Variants in DGKZ observed in about 807,000 individuals in gnomAD.
DGKZ encodes the protein DAG kinase zeta.
Under a neutral mutation model 142.5 loss-of-function variants are expected in DGKZ, and 45 were observed. The ratio of observed to expected loss-of-function variants is 0.32; its 90% CI spans 0.25 to 0.40. The LOEUF is 0.40. Ranked by LOEUF, DGKZ falls within the 10% of genes least tolerant of loss-of-function variation. DGKZ has a pLI of 1.00. For synonymous variants in DGKZ, 442 were observed against 527.0 expected (o/e 0.84, Z 2.21); for missense variants, 755 against 1,306.5 (o/e 0.58, Z 6.51).
intron 14 of DGKZ, 28 bp downstream of exon 14, chr11:46,373,129 A>G: frequency 2.0e-6 from 3 of 1,525,552 alleles, no homozygotes; most frequent in East Asian, 2.5e-5. Flanking sequence ...GGTGGGGGGC[A>G]GGGCAGGTGA....
At chr11:46,371,590 C>A (rs1943954604) in exon 8 of DGKZ, 1 of 1,610,274 alleles carries the variant, frequency 6.2e-7, no homozygotes. Context: ...ATCCTCCGCG[C>A]CCGGAGGCCC....
intron 1 of DGKZ, among the ~76,000 whole-genome samples, chr11:46,350,724 C>T (rs1037575816): frequency 2.0e-5 from 3 of 152,154 alleles, no homozygotes; most frequent in African/African-American, 4.8e-5. Flanking sequence ...CCATCCTGGC[C>T]CCTCTGGGTA....
In DGKZ at chr11:46,347,497, CG is replaced by C. The variant is rs1590394873; in HGVS notation, c.-160del. The C allele has an allele frequency of 1.0e-5, 10 of 982,152 alleles. No individual in the cohort carries two copies. Among genetic ancestry groups the C allele is most frequent in the Non-Finnish European group, 1.2e-5 (10 of 828,944 alleles). The allele number at this position is 982,152 out of a possible 1,614,324, so 60.8% of individuals were successfully genotyped here. ...TGGAGCGGCGGCGGCAGCGGCTTCC[CG>C]GGCACCTGGGCGTGGGGAGCGGGGG... On this transcript the variant is annotated 5_prime_UTR_variant, in exon 1 of 31. Transcript: ENST00000527911. The surrounding 1 kb of genome is among the most constrained non-coding windows in gnomAD (Gnocchi z 6.4).
chr11:46,344,803 G>T (rs1022757675), upstream of DGKZ, among the ~76,000 whole-genome samples: 76 of 152,036 alleles, frequency 5.0e-4, 1 homozygote, highest in Non-Finnish European at 2.4e-4. Context: ...AAATCTCCCT[G>T]GCACATGTAT....
chr11:46,369,791 C>T, intron 5 of DGKZ, 150 bp from the exon 6 acceptor site: 1 of 937,460 alleles, frequency 1.1e-6, no homozygotes, highest in South Asian at 1.5e-5. Context: ...CTCCCCCAGG[C>T]CATGAAGAGA....
At chr11:46,358,663 T>C (rs1352606963) in intron 1 of DGKZ, among the ~76,000 whole-genome samples, 1 of 152,186 alleles carries the variant, frequency 6.6e-6, no homozygotes, top group East Asian at 1.9e-4. Flanking sequence ...TGAGACCTCA[T>C]CTCTACATAT....
Position 46,369,504 on chromosome 11 carries a change from G to A in DGKZ, c.455G>A (p.Arg152His), listed in dbSNP as rs748179735. 9.3e-6 allele frequency: 15 copies of A among 1,613,778 alleles called. No homozygotes were observed. Among genetic ancestry groups the A allele is most frequent in the Non-Finnish European group, 1.1e-5 (13 of 1,180,028 alleles). The change falls in exon 5 of 31, where the codon CGC (arginine) becomes CAC (histidine). Residue 152 changes from arginine (R) to histidine (H), a missense_variant. Arg to His is a conservative substitution (Grantham distance 29). Coordinates refer to ENST00000527911, the Ensembl canonical transcript of DGKZ. Reference sequence around the variant, plus strand: ...TGCCATGTTTCACAGATAAATTTCCGCTGTAAGCCGTCCTTCCGTGAATCA... The same window carrying A: ...TGCCATGTTTCACAGATAAATTTCCACTGTAAGCCGTCCTTCCGTGAATCA...
chr11:46,375,164 C>A (rs1234644146), intron 19 of DGKZ, 119 bp downstream of exon 19: 2 of 1,030,932 alleles, frequency 1.9e-6, no homozygotes, highest in East Asian at 2.6e-5. Flanking sequence ...TTCTTTGTCT[C>A]ATTCCTCTGG....
In DGKZ at chr11:46,367,202, G is replaced by A. The variant is rs1943407467; in HGVS notation, c.162-89G>A. The stretch of plus-strand genomic sequence containing the variant: ...CTCCTCCGCCCTCCCTGTTGCCGAG[G>A]TCACGGAAAGGGCAGAGGCCCCAGG... On this transcript the variant is annotated intron_variant, in intron 1 of 30. Coordinates refer to ENST00000527911, the Ensembl canonical transcript of DGKZ. This position sits in a 1 kb window ranked among gnomAD's most constrained non-coding sequence, Gnocchi z 4.1. The A allele has an allele frequency of 7.4e-7, 1 of 1,359,896 alleles. No homozygotes were observed. The highest frequency in any genetic ancestry group is 1.0e-6 in the Non-Finnish European group (1 of 974,376). 84.2% of individuals were successfully genotyped at this position (1,359,896 alleles called of 1,614,324 possible). A position where few individuals can be genotyped will look rare whatever the true frequency, so the allele number is the denominator to read the frequency against.
At chr11:46,359,565 G>A (rs1942403939) in intron 1 of DGKZ, among the ~76,000 whole-genome samples, 2 of 152,060 alleles carry the variant, frequency 1.3e-5, no homozygotes. Context: ...TAGTCCAGTG[G>A]AAAGTTCATT....
intron 14 of DGKZ, among the ~76,000 whole-genome samples, chr11:46,373,523 A>G (rs1361341674): frequency 7.0e-6 from 1 of 143,836 alleles, no homozygotes; most frequent in East Asian, 2.0e-4. Context: ...TTTTTGTGAC[A>G]GAGTCTCACT....
chr11:46,370,037 C>T (rs1565058050), intron 6 of DGKZ, 28 bp downstream of exon 6: 1 of 1,612,940 alleles, frequency 6.2e-7, no homozygotes. Context: ...AGGACATCGC[C>T]ACCTGCACCT....
rs138240327 is a variant in DGKZ, at chr11:46,367,335, C to T, written c.206C>T (p.Pro69Leu). ...GGCCTCCAGCACCTGGCCCCCCCTC[C>T]GCCCACCCCTGGGGCCCCGTGCAGC... Residue 69 changes from proline to leucine, a missense_variant, in exon 2 of 31, where the codon CCG becomes CTG. This residue lies in a region of DGKZ where 81 missense variants were observed against 86.5 expected (regional missense o/e 0.94). Coordinates refer to ENST00000527911, the Ensembl canonical transcript of DGKZ. The surrounding 1 kb of genome is among the most constrained non-coding windows in gnomAD (Gnocchi z 4.1). 10 of 1,612,970 alleles carry T rather than the reference C, an allele frequency of 6.2e-6. No individual in the cohort carries two copies. The highest frequency in any genetic ancestry group is 8.5e-6 in the Non-Finnish European group (10 of 1,179,996).
At chr11:46,368,522 G>A in intron 4 of DGKZ, 1 of 343,054 alleles carries the variant, frequency 2.9e-6, no homozygotes, top group Admixed American at 4.1e-5. Flanking sequence ...TTCTAGAGGT[G>A]GAGGCAGCAC....
chr11:46,364,487 C>T (rs1943040601), intron 1 of DGKZ: 1 of 1,248,238 alleles, frequency 8.0e-7, no homozygotes, highest in South Asian at 1.4e-5. Context: ...TTGAGTGGGG[C>T]ACTATTTGGG....
intron 1 of DGKZ, chr11:46,366,980 C>G: frequency 2.0e-6 from 3 of 1,527,478 alleles, no homozygotes; most frequent in Non-Finnish European, 2.6e-6. Context: ...GAGCGCCCTG[C>G]TCGCGTAGGT....
rs991941214 is a variant in DGKZ at position 46,367,016 on chromosome 11, G to C, written c.162-275G>C. 1 of 1,486,736 alleles carries C rather than the reference G, an allele frequency of 6.7e-7. No homozygotes were observed. The highest frequency in any genetic ancestry group is 8.9e-7 in the Non-Finnish European group (1 of 1,124,682). The allele number at this position is 1,486,736 out of a possible 1,614,324, so 92.1% of individuals were successfully genotyped here. ...ATAGCTGTGGCCAGCAGGGCGAGTG[G>C]TGTGACCTCCTGTGGGTCTGGCCTG... On this transcript the variant is annotated intron_variant, in intron 1 of 30. Transcript: ENST00000527911. This position sits in a 1 kb window ranked among gnomAD's most constrained non-coding sequence, Gnocchi z 4.1.
At chr11:46,369,373 G>A (rs1227801078) in intron 4 of DGKZ, 121 bp from the exon 5 acceptor site, 2 of 1,201,518 alleles carry the variant, frequency 1.7e-6, no homozygotes, top group African/African-American at 1.5e-5. Flanking sequence ...GGACTCTCGT[G>A]ACGATTTGGG....
Position 46,371,213 on chromosome 11 carries a change from G to A in DGKZ, c.571-100G>A, listed in dbSNP as rs1287566244. On this transcript the variant is annotated intron_variant, in intron 6 of 30. Transcript: ENST00000527911. ...TTGAGACCAGCCTGGGCAACATAGC[G>A]AGGCCCTGTCTCTGGGTGGAGAGAG... The A allele has an allele frequency of 3.8e-5, 44 of 1,164,048 alleles. 1 individual carries two copies. Among genetic ancestry groups the A allele is most frequent in the South Asian group, 3.1e-4 (23 of 73,532 alleles). 72.1% of individuals were successfully genotyped at this position (1,164,048 alleles called of 1,614,324 possible).
Sources: allele counts gnomAD v4.1 joint callset (sites outside exome capture counted in the v4.1 genomes callset), GRCh38; gene constraint gnomAD v4.1.1; regional missense constraint gnomAD v4.1.1; non-coding constraint Gnocchi (gnomAD v3.1); transcripts MANE v1.5; gene names NCBI Gene and HGNC (gene_info 2026-07-23, HGNC 2026-07-21).